PASK: variants seen among roughly 807,000 people sequenced by gnomAD.
PASK encodes PAS domain-containing serine/threonine-protein kinase.
In PASK, 110 loss-of-function variants were observed where a neutral mutation model predicts 121.0. That is an observed-to-expected ratio of 0.91 (90% confidence interval 0.78 to 1.06). The LOEUF is 1.06. Ranked by LOEUF, PASK falls within the 50% of genes least tolerant of loss-of-function variation. The pLI is 0.00. For synonymous variants in PASK, 686 were observed against 717.8 expected, an observed-to-expected ratio of 0.96 and a Z score of 0.71; for missense variants, 1,643 against 1,702.3, an observed-to-expected ratio of 0.97 and a Z score of 0.61.
rs77568293 is a variant in PASK, at chr2:241,128,848, G to A, written c.1464-1397C>T. Among the ~76,000 whole-genome samples the A allele has an allele frequency of 6.0e-3, 898 of 150,586 alleles. 8 individuals are homozygous for A. The highest frequency in any genetic ancestry group is 9.0e-3 in the Non-Finnish European group (607 of 67,200). The stretch of plus-strand genomic sequence containing the variant: ...CCACTGCACTCCAGCCTGGGCAATG[G>A]CCAAGACCATCTCAAAAAAAAAAAG... On this transcript the variant is annotated intron_variant, in intron 9 of 17. Transcript: ENST00000234040.
In PASK at chr2:241,141,308, A is replaced by C. The variant is rs1337173757; in HGVS notation, c.197-555T>G. Among the ~76,000 whole-genome samples the C allele has an allele frequency of 3.3e-5, 5 of 151,894 alleles. 1 individual carries two copies. Among genetic ancestry groups the C allele is most frequent in the Admixed American group, 3.3e-4 (5 of 15,250 alleles). On this transcript the variant is annotated intron_variant, in intron 2 of 17. Transcript: ENST00000234040. ...CCAAAAAACAAAAAAGCTTAATTACACTCAAAGGTTCCTTCCTTCCCACCT... is the reference window on the plus strand; with the variant it reads ...CCAAAAAACAAAAAAGCTTAATTACCCTCAAAGGTTCCTTCCTTCCCACCT...
At position 241,135,902 on chromosome 2, in the gene PASK, C is replaced by T; in HGVS notation, c.1275G>A (p.Trp425Ter). 1 of 1,614,172 alleles carries T rather than the reference C, an allele frequency of 6.2e-7. No homozygotes were observed. Among genetic ancestry groups the T allele is most frequent in the Admixed American group, 1.7e-5 (1 of 60,036 alleles). ...SGCGERTLDP[W>*]QGQDPAEGGQ... Reference sequence around the variant, plus strand: ...CCCCCTCAGCTGGGTCCTGGCCCTGCCACGGGTCCAAGGTTCTCTCCCCAC... The same window carrying T: ...CCCCCTCAGCTGGGTCCTGGCCCTGTCACGGGTCCAAGGTTCTCTCCCCAC... Residue 425 changes from tryptophan (W) to a stop codon, truncating the protein, a stop_gained, in exon 8 of 18, where the codon TGG (tryptophan) becomes TGA (stop). Coordinates refer to ENST00000234040, the MANE Select transcript of PASK (RefSeq NM_015148.4). LOFTEE classifies it high-confidence loss of function.
chr2:241,115,549 C>T, intron 12 of PASK, 136 bp from the exon 13 acceptor site: 1 of 950,324 alleles, frequency 1.1e-6, no homozygotes, highest in Non-Finnish European at 1.6e-6. Flanking sequence ...TACACCAGGG[C>T]CACCTGGTCC....
intron 2 of PASK, among the ~76,000 whole-genome samples, chr2:241,141,501 C>G (rs2066696401): frequency 6.6e-6 from 1 of 152,138 alleles, no homozygotes; most frequent in African/African-American, 2.4e-5. Flanking sequence ...TCAGGCCTCA[C>G]CCTCCTCCCA....
chr2:241,136,648 AAATTT>A (rs149607146), intron 7 of PASK, among the ~76,000 whole-genome samples: 6,786 of 152,296 alleles, frequency 0.045, 680 homozygotes, highest in East Asian at 0.44. Context: ...TAACTAACTT[AAATTT>A]AACGTAACTA....
chr2:241,149,393 T>C (rs2067172450), intron 1 of PASK, 21 bp downstream of exon 1: 2 of 426,766 alleles, frequency 4.7e-6, no homozygotes, highest in Non-Finnish European at 8.4e-6. Context: ...CGGCCCGCTC[T>C]CCCGAGCGCA....
intron 5 of PASK, 149 bp downstream of exon 5, chr2:241,138,505 A>G: frequency 2.3e-6 from 2 of 877,214 alleles, no homozygotes; most frequent in Middle Eastern, 6.8e-4. Context: ...AAGCACACGC[A>G]ATCAGCGAGG....
intron 2 of PASK, 84 bp downstream of exon 2, chr2:241,142,753 G>A (rs984436974): frequency 1.9e-6 from 2 of 1,068,644 alleles, no homozygotes; most frequent in East Asian, 2.4e-5. Context: ...TCAATCCCTG[G>A]TGAGAGGGTT....
chr2:241,150,337 C>A, upstream of PASK: 1 of 1,319,024 alleles, frequency 7.6e-7, no homozygotes, highest in South Asian at 2.2e-5. Context: ...GGCCTCATGA[C>A]GGAACTACAA....
At chr2:241,119,342 G>A (rs2065504075) in intron 12 of PASK, among the ~76,000 whole-genome samples, 1 of 152,168 alleles carries the variant, frequency 6.6e-6, no homozygotes, top group South Asian at 2.1e-4. Context: ...CCTACCCCTG[G>A]GACGTTGGCC....
intron 15 of PASK, among the ~76,000 whole-genome samples, chr2:241,111,808 A>G (rs568200926): frequency 6.6e-6 from 1 of 152,312 alleles, no homozygotes; most frequent in East Asian, 1.9e-4. Context: ...CACCTTCAGC[A>G]CGAATCCTCT....
chr2:241,137,778 C>T (rs1042981606), intron 6 of PASK, among the ~76,000 whole-genome samples, 175 bp downstream of exon 6: 1 of 152,218 alleles, frequency 6.6e-6, no homozygotes, highest in African/African-American at 2.4e-5. Flanking sequence ...AGCTGGGAGA[C>T]CACATAGGCT....
chr2:241,135,739 ACT>A, intron 8 of PASK, 130 bp downstream of exon 8: 1 of 763,932 alleles, frequency 1.3e-6, no homozygotes, highest in East Asian at 2.6e-5. Context: ...GTCACCCCCT[ACT>A]CCGCCCCCCA....
At chr2:241,120,151 A>G (rs1197500277) in intron 12 of PASK, among the ~76,000 whole-genome samples, 1 of 152,226 alleles carries the variant, frequency 6.6e-6, no homozygotes, top group Admixed American at 6.5e-5. Context: ...TCTAAAATAC[A>G]GAACTCATAC....
rs532748520 is a variant in PASK at position 241,137,812 on chromosome 2, C to T, written c.876+141G>A. The T allele has an allele frequency of 3.7e-5, 32 of 874,052 alleles. 1 individual carries two copies. Among genetic ancestry groups the T allele is most frequent in the South Asian group, 3.1e-4 (22 of 71,774 alleles). 54.1% of individuals were successfully genotyped at this position (874,052 alleles called of 1,614,324 possible). On this transcript the variant is annotated intron_variant, in intron 6 of 17. Coordinates refer to ENST00000234040, the MANE Select transcript of PASK (RefSeq NM_015148.4). The stretch of plus-strand genomic sequence containing the variant: ...CTCCGGCCCTTGGTCAAGGCCTCAG[C>T]GCACAGGAAGCTCAAAACTGAGCAT...
Position 241,122,869 on chromosome 2 carries a change from G to A in PASK, c.2935C>T (p.Pro979Ser), listed in dbSNP as rs537042742. ...CCCTCCAGTTCCACAGCCTTGGGGG[G>A]CTCCTCAAACCAGGGTCTGGCTCTG... ...VLRARPWFEE[P>S]PKAVELEGLA... The change falls in exon 12 of 18, where the codon CCC becomes TCC. Residue 979 changes from proline to serine, a missense_variant. By Grantham distance (74) the Pro-to-Ser change is moderately conservative. Around this residue, in one of 3 missense-constraint regions of PASK, gnomAD observed 453 missense variants for 511.2 expected, o/e 0.89. Coordinates refer to ENST00000234040, the MANE Select transcript of PASK (RefSeq NM_015148.4). 3 of 1,614,044 alleles carry A rather than the reference G, an allele frequency of 1.9e-6. No individual in the cohort carries two copies. The highest frequency in any genetic ancestry group is 1.7e-5 in the Admixed American group (1 of 60,022).
At chr2:241,149,553 G>A, upstream of PASK, 1 of 1,118,096 alleles carries the variant, frequency 8.9e-7, no homozygotes, top group South Asian at 1.5e-5. Flanking sequence ...GCGTATGGGC[G>A]GGACTAAGCT....
At chr2:241,119,733 G>A (rs78083879) in intron 12 of PASK, among the ~76,000 whole-genome samples, 3,506 of 152,218 alleles carry the variant, frequency 0.023, 286 homozygotes, top group East Asian at 0.23. Context: ...GCCTCCCAAA[G>A]TGCTGGGATT....
At position 241,124,043 on chromosome 2, in the gene PASK, CG is replaced by C; in HGVS notation, c.2809del (p.Arg937AlafsTer66). Reference sequence around the variant, plus strand: ...CAGGCGGGTCCTGGCGGCTGAGTCGCGTTGGCTGTGGAGGAGGTCTTTCACC... The same window carrying C: ...CAGGCGGGTCCTGGCGGCTGAGTCGCTTGGCTGTGGAGGAGGTCTTTCACC... ...WLVKDLLHSQRDSAARTRLFL... is the reference protein window; with the variant it reads ...WLVKDLLHSQXDSAARTRLFL... On this transcript the variant is annotated frameshift_variant, in exon 11 of 18. Coordinates refer to ENST00000234040, the MANE Select transcript of PASK (RefSeq NM_015148.4). LOFTEE classifies it high-confidence loss of function. The C allele has an allele frequency of 6.2e-7, 1 of 1,613,550 alleles. No homozygotes were observed. Among genetic ancestry groups the C allele is most frequent in the Non-Finnish European group, 8.5e-7 (1 of 1,179,938 alleles).
Sources: allele counts gnomAD v4.1 joint callset (sites outside exome capture counted in the v4.1 genomes callset), GRCh38; gene constraint gnomAD v4.1.1; regional missense constraint gnomAD v4.1.1; transcripts MANE v1.5; gene names NCBI Gene and HGNC (gene_info 2026-07-23, HGNC 2026-07-21).